The following WDR7 variants were observed in gnomAD, a reference collection of about 807,000 sequenced individuals.
WDR7 encodes WD repeat domain 7.
A neutral mutation model predicts 169.4 loss-of-function variants in WDR7; 46 were observed. That is an observed-to-expected ratio of 0.27 (90% CI 0.21 to 0.35). The LOEUF is 0.35. Ranked by LOEUF, WDR7 falls within the 10% of genes least tolerant of loss-of-function variation. The pLI, the probability that WDR7 is intolerant of heterozygous loss-of-function variation, is 1.00. For missense variants in WDR7, 1,534 were observed against 1,859.3 expected, an observed-to-expected ratio of 0.83 and a Z score of 3.22; for synonymous variants, 612 against 666.8, an observed-to-expected ratio of 0.92 and a Z score of 1.27.
intron 16 of WDR7, among the ~76,000 whole-genome samples, chr18:56,773,189 C>A (rs1185056922): frequency 6.6e-6 from 1 of 152,044 alleles, no homozygotes; most frequent in African/African-American, 2.4e-5. Flanking sequence ...AGGCAGGGTT[C>A]CTGAAATAGA....
rs1461459768 is a variant in WDR7, at chr18:56,695,165, C to G, written c.1324C>G (p.Gln442Glu). 6.2e-7 allele frequency: 1 copy of G among 1,614,022 alleles called. No homozygotes were observed. The highest frequency in any genetic ancestry group is 8.5e-7 in the Non-Finnish European group (1 of 1,180,018). The change falls in exon 11 of 28, where the codon CAG (glutamine) becomes GAG (glutamate). Residue 442 changes from glutamine (Q) to glutamate (E), a missense_variant. Coordinates refer to ENST00000254442, the MANE Select transcript of WDR7 (RefSeq NM_015285.3). Reference sequence around the variant, plus strand: ...ACCTGCCACACAGACGGCCATAGTACAGCTGTTGCAAGGGGAACACATGCT... The same window carrying G: ...ACCTGCCACACAGACGGCCATAGTAGAGCTGTTGCAAGGGGAACACATGCT... ...IVPATQTAIV[Q>E]LLQGEHMLRR... is the part of the protein sequence containing the mutation.
intron 21 of WDR7, among the ~76,000 whole-genome samples, chr18:56,887,926 T>A (rs2046217810): frequency 6.6e-6 from 1 of 152,350 alleles, no homozygotes; most frequent in South Asian, 2.1e-4. Context: ...ATTGTCATGT[T>A]TGTTTATGTG....
intron 3 of WDR7, among the ~76,000 whole-genome samples, chr18:56,679,972 C>T (rs2025321481): frequency 2.0e-5 from 3 of 152,110 alleles, no homozygotes; most frequent in Non-Finnish European, 4.4e-5. Context: ...GATTTACAAA[C>T]AGTTTTCAAA....
chr18:56,670,904 TC>T (rs1436291876), intron 1 of WDR7, among the ~76,000 whole-genome samples: 2 of 152,212 alleles, frequency 1.3e-5, no homozygotes, highest in African/African-American at 4.8e-5. Flanking sequence ...CTGAGAGTAC[TC>T]TCTTCTATGC....
intron 26 of WDR7, among the ~76,000 whole-genome samples, chr18:57,013,195 C>T (rs1248315517): frequency 1.3e-5 from 2 of 152,134 alleles, no homozygotes; most frequent in Non-Finnish European, 2.9e-5. Flanking sequence ...ATGCACAGTT[C>T]ACAATAGGGT....
intron 18 of WDR7, 50 bp downstream of exon 18, chr18:56,779,599 G>A (rs2044289180): frequency 7.1e-7 from 1 of 1,407,150 alleles, no homozygotes; most frequent in East Asian, 2.3e-5. Flanking sequence ...AAAAGGCATT[G>A]GTCAAATGTA....
rs1441655886 is a variant in WDR7, at chr18:56,691,260, T to A, written c.762T>A (p.Ser254Arg). 2 of 1,610,110 alleles carry A rather than the reference T, an allele frequency of 1.2e-6. No individual in the cohort carries two copies. Among genetic ancestry groups the A allele is most frequent in the Non-Finnish European group, 1.7e-6 (2 of 1,179,172 alleles). Reference protein sequence around the residue: ...GDYSLLCSGPSENGQTWTGGD... With the variant: ...GDYSLLCSGPRENGQTWTGGD... ...ATTCCTTGTTGTGTTCAGGTCCTAG[T>A]GAAAATGGACAGACATGGACCGGGG... Residue 254 changes from serine (S) to arginine (R), a missense_variant, in exon 8 of 28, where the codon AGT becomes AGA. Coordinates refer to ENST00000254442, the MANE Select transcript of WDR7 (RefSeq NM_015285.3).
intron 13 of WDR7, among the ~76,000 whole-genome samples, chr18:56,723,598 C>G (rs1350296242): frequency 6.6e-6 from 1 of 152,060 alleles, no homozygotes; most frequent in Non-Finnish European, 1.5e-5. Flanking sequence ...CTGTATATAA[C>G]ATTTCTTTTC....
At chr18:56,675,650 T>C (rs1891845792) in intron 2 of WDR7, among the ~76,000 whole-genome samples, 1 of 151,706 alleles carries the variant, frequency 6.6e-6, no homozygotes, top group Non-Finnish European at 1.5e-5. Flanking sequence ...CACTCTCCAA[T>C]AGAGATAGTT....
At chr18:56,910,731 TTAAA>T (rs1305055061) in intron 21 of WDR7, among the ~76,000 whole-genome samples, 11 of 152,208 alleles carry the variant, frequency 7.2e-5, no homozygotes, top group Non-Finnish European at 1.0e-4. Flanking sequence ...CTTTTTTGTC[TTAAA>T]TGAATGTAAA....
chr18:56,695,710 T>A (rs1186527823), intron 11 of WDR7, among the ~76,000 whole-genome samples: 1 of 152,110 alleles, frequency 6.6e-6, no homozygotes, highest in Non-Finnish European at 1.5e-5. Context: ...CTAATTTTTG[T>A]ATTTTTTGTA....
chr18:56,910,106 T>A (rs1163327783), intron 21 of WDR7, among the ~76,000 whole-genome samples: 5 of 152,144 alleles, frequency 3.3e-5, no homozygotes, highest in Non-Finnish European at 7.4e-5. Flanking sequence ...CAAACTTACA[T>A]AATAACAAAA....
chr18:56,766,166 A>G (rs1297516570), intron 16 of WDR7, among the ~76,000 whole-genome samples: 2 of 152,026 alleles, frequency 1.3e-5, no homozygotes, highest in South Asian at 2.1e-4. Flanking sequence ...TGACTGTAAC[A>G]TTACTTTATT....
chr18:56,832,542 T>C (rs2045330010), intron 20 of WDR7, among the ~76,000 whole-genome samples: 1 of 152,174 alleles, frequency 6.6e-6, no homozygotes, highest in African/African-American at 2.4e-5. Context: ...GCCTCCAGAC[T>C]GGGAGATACC....
intron 21 of WDR7, among the ~76,000 whole-genome samples, chr18:56,917,474 G>T (rs1258048060): frequency 1.3e-5 from 2 of 152,144 alleles, no homozygotes; most frequent in East Asian, 3.9e-4. Context: ...TCTGTGCTTT[G>T]TGATAGGGAT....
At chr18:57,020,699 G>C in intron 26 of WDR7, 46 bp from the exon 27 acceptor site, 1 of 1,569,068 alleles carries the variant, frequency 6.4e-7, no homozygotes, top group Non-Finnish European at 8.8e-7. Context: ...ACTTGTAATT[G>C]TCCTGTGAAA....
At chr18:56,997,095 A>G (rs2047908884) in intron 26 of WDR7, among the ~76,000 whole-genome samples, 1 of 152,224 alleles carries the variant, frequency 6.6e-6, no homozygotes, top group Non-Finnish European at 1.5e-5. Flanking sequence ...TGAGCATCTT[A>G]GAGTATGACT....
intron 20 of WDR7, among the ~76,000 whole-genome samples, chr18:56,820,580 A>G (rs1790193973): frequency 6.6e-6 from 1 of 152,040 alleles, no homozygotes; most frequent in South Asian, 2.1e-4. Flanking sequence ...GTATTTTGCT[A>G]TTCCTGTGTA....
chr18:56,909,435 T>A (rs190213474), intron 21 of WDR7, among the ~76,000 whole-genome samples: 297 of 152,286 alleles, frequency 2.0e-3, no homozygotes, highest in African/African-American at 6.8e-3. Flanking sequence ...GAAAAGATTG[T>A]GCACTATTGT....
Sources: allele counts gnomAD v4.1 joint callset (sites outside exome capture counted in the v4.1 genomes callset), GRCh38; gene constraint gnomAD v4.1.1; transcripts MANE v1.5; gene names NCBI Gene and HGNC (gene_info 2026-07-23, HGNC 2026-07-21).